MEI4: variants seen among roughly 807,000 people sequenced by gnomAD.
MEI4 encodes the protein meiosis-specific protein MEI4.
In MEI4, 27 loss-of-function variants were observed where a neutral mutation model predicts 31.4. That is an observed-to-expected ratio of 0.86 (90% CI 0.63 to 1.19). The LOEUF (loss-of-function observed/expected upper bound fraction) is 1.19, where lower values mean the gene tolerates loss of function less well. Ranked by LOEUF, MEI4 falls within the 50% of genes most tolerant of loss-of-function variation. MEI4 has a pLI of 0.00. For synonymous variants in MEI4, 122 were observed against 145.4 expected (o/e 0.84, Z 1.16); for missense variants, 329 against 398.9 (o/e 0.82, Z 1.49).
chr6:77,868,528 T>TATATATATATATATATATA (rs1771115144), intron 4 of MEI4, among the ~76,000 whole-genome samples: 1 of 139,092 alleles, frequency 7.2e-6, no homozygotes, highest in Non-Finnish European at 1.6e-5. Flanking sequence ...TATATATATA[T>TATATATATATATATATATA]GCAGATTTCA....
chr6:77,684,521 G>A (rs1428898486), intron 1 of MEI4, among the ~76,000 whole-genome samples: 1 of 151,636 alleles, frequency 6.6e-6, no homozygotes, highest in Non-Finnish European at 1.5e-5. Context: ...CGCAGCTTCT[G>A]GTAACCATCC....
intron 3 of MEI4, among the ~76,000 whole-genome samples, chr6:77,818,877 G>GATGGTCTT (rs1769750427): frequency 6.6e-6 from 1 of 151,928 alleles, no homozygotes; most frequent in Non-Finnish European, 1.5e-5. Context: ...CCATAGGTGT[G>GATGGTCTT]CACCATCACA....
rs143878842 is a variant in MEI4, at chr6:77,687,146, T to G, written c.-14-3512T>G. Among the ~76,000 whole-genome samples, 438 of 152,130 alleles carry G rather than the reference T, an allele frequency of 2.9e-3. 12 individuals are homozygous for G. Among genetic ancestry groups the G allele is most frequent in the East Asian group, 0.013 (67 of 5,152 alleles). On this transcript the variant is annotated intron_variant, in intron 1 of 4. Coordinates refer to ENST00000684080, the MANE Select transcript of MEI4 (RefSeq NM_001322247.2). ...CATTTTTTCACAGCCCCATGGGGAATGTTACTATGGTAAGAACTGCTCCCA... is the reference window on the plus strand; with the variant it reads ...CATTTTTTCACAGCCCCATGGGGAAGGTTACTATGGTAAGAACTGCTCCCA...
chr6:77,735,280 G>T (rs1051856679), intron 2 of MEI4, among the ~76,000 whole-genome samples: 2 of 151,774 alleles, frequency 1.3e-5, no homozygotes, highest in Non-Finnish European at 2.9e-5. Context: ...CCAATCAGAC[G>T]TAGATTTGGT....
In MEI4 at chr6:77,696,476, G is replaced by C. The variant is rs542368085; in HGVS notation, c.232+5573G>C. Among the ~76,000 whole-genome samples, 1,345 of 152,052 alleles carry C rather than the reference G, an allele frequency of 8.8e-3. 13 individuals carry two copies. The highest frequency in any genetic ancestry group is 0.03 in the African/African-American group (1,237 of 41,458). On this transcript the variant is annotated intron_variant, in intron 2 of 4. Transcript: ENST00000684080. Reference sequence around the variant, plus strand: ...TTTATTGAGAGTTTTTAGCATGAAGGGTTGTTGAATTTTGTCAAAGGTCTT... The same window carrying C: ...TTTATTGAGAGTTTTTAGCATGAAGCGTTGTTGAATTTTGTCAAAGGTCTT...
intron 3 of MEI4, among the ~76,000 whole-genome samples, chr6:77,801,198 ACTT>A (rs1769246167): frequency 6.6e-6 from 1 of 152,054 alleles, no homozygotes; most frequent in African/African-American, 2.4e-5. Context: ...CAGAGATTCA[ACTT>A]CTTCCTGGTT....
At chr6:77,816,413 G>A (rs1252310245) in intron 3 of MEI4, among the ~76,000 whole-genome samples, 1 of 152,126 alleles carries the variant, frequency 6.6e-6, no homozygotes, top group Non-Finnish European at 1.5e-5. Context: ...ATATAAATTA[G>A]TAGGAGGACT....
rs118047215 is a variant in MEI4, at chr6:77,787,190, C to T, written c.768+25525C>T. Among the ~76,000 whole-genome samples, 372 of 152,268 alleles carry T rather than the reference C, an allele frequency of 2.4e-3. 12 individuals carry two copies. The East Asian group carries it at 0.064, about 26-fold the overall frequency. ...GCCAGGTTATCCAGTTCCTGTAAGC[C>T]ATGTTCTTTAGCCGGGATTTTCTAC... On this transcript the variant is annotated intron_variant, in intron 3 of 4. Coordinates refer to ENST00000684080, the MANE Select transcript of MEI4 (RefSeq NM_001322247.2).
At chr6:77,824,279 G>T (rs1187049964) in intron 3 of MEI4, among the ~76,000 whole-genome samples, 1 of 152,044 alleles carries the variant, frequency 6.6e-6, no homozygotes. Flanking sequence ...TAGTAGAGAT[G>T]TATTTTGTGT....
chr6:77,829,452 G>GA (rs1280641270), intron 4 of MEI4, among the ~76,000 whole-genome samples: 2 of 152,138 alleles, frequency 1.3e-5, no homozygotes, highest in Admixed American at 1.3e-4. Flanking sequence ...TATTGCTCAT[G>GA]AAAATCATCT....
intron 3 of MEI4, among the ~76,000 whole-genome samples, chr6:77,804,136 G>T (rs1373411935): frequency 6.6e-6 from 1 of 152,164 alleles, no homozygotes; most frequent in African/African-American, 2.4e-5. Context: ...CGAGCTTCCT[G>T]GTGGCTTTGT....
intron 2 of MEI4, among the ~76,000 whole-genome samples, chr6:77,747,472 G>T (rs111596881): frequency 6.6e-5 from 10 of 152,268 alleles, no homozygotes; most frequent in East Asian, 1.9e-4. Context: ...ATGGCAGCAG[G>T]TGAGAGAGAG....
intron 2 of MEI4, among the ~76,000 whole-genome samples, chr6:77,732,222 A>G (rs2127668184): frequency 6.6e-6 from 1 of 151,862 alleles, no homozygotes; most frequent in East Asian, 1.9e-4. Context: ...CTTGGGCAGT[A>G]TGGCCATTTT....
intron 1 of MEI4, among the ~76,000 whole-genome samples, chr6:77,684,350 G>A (rs562323592): frequency 1.3e-5 from 2 of 152,064 alleles, no homozygotes; most frequent in Non-Finnish European, 2.9e-5. Context: ...GGAGAATGCA[G>A]TTTCTGTCCC....
chr6:77,704,331 T>C (rs916784735), intron 2 of MEI4, among the ~76,000 whole-genome samples: 1 of 152,366 alleles, frequency 6.6e-6, no homozygotes, highest in Middle Eastern at 3.4e-3. Context: ...GTTTTCATTC[T>C]TGAATTTCTT....
Position 77,923,863 on chromosome 6 carries a change from T to A in MEI4, c.*517T>A, listed in dbSNP as rs1488983750. The A allele has an allele frequency of 1.3e-5, 2 of 151,826 alleles. No individual in the cohort carries two copies. Among genetic ancestry groups the A allele is most frequent in the Non-Finnish European group, 2.9e-5 (2 of 67,842 alleles). 9.4% of individuals were successfully genotyped at this position (151,826 alleles called of 1,614,324 possible). On this transcript the variant is annotated 3_prime_UTR_variant, in exon 5 of 5. Coordinates refer to ENST00000684080, the MANE Select transcript of MEI4 (RefSeq NM_001322247.2). ...GACGAGAATCATATAGAAGTAGAACTTTTTTAACATTTGGAAACTTAATTG... is the reference window on the plus strand; with the variant it reads ...GACGAGAATCATATAGAAGTAGAACATTTTTAACATTTGGAAACTTAATTG...
At chr6:77,810,744 A>C (rs1220949411) in intron 3 of MEI4, among the ~76,000 whole-genome samples, 1 of 152,196 alleles carries the variant, frequency 6.6e-6, no homozygotes, top group Non-Finnish European at 1.5e-5. Flanking sequence ...ATAAATAGCC[A>C]CAAAATATAC....
chr6:77,880,809 A>C (rs1771464784), intron 4 of MEI4, among the ~76,000 whole-genome samples: 1 of 152,128 alleles, frequency 6.6e-6, no homozygotes, highest in African/African-American at 2.4e-5. Flanking sequence ...CTTCAACAAA[A>C]CAATTTCAGG....
chr6:77,750,040 A>G (rs985659840), intron 2 of MEI4, among the ~76,000 whole-genome samples: 3 of 152,216 alleles, frequency 2.0e-5, no homozygotes, highest in Admixed American at 2.0e-4. Flanking sequence ...GCGAAGGAGA[A>G]ATAAAATTCT....
Sources: gnomAD v4.1 joint callset for allele counts (sites outside exome capture counted in the v4.1 genomes callset) on GRCh38, gnomAD v4.1.1 for gene constraint, MANE v1.5 for transcripts, NCBI Gene and HGNC (gene_info 2026-07-23, HGNC 2026-07-21) for gene names.